Variants in ZFHX3 observed in about 807,000 individuals in gnomAD.
ZFHX3 encodes the protein zinc finger homeobox protein 3.
In ZFHX3, 42 loss-of-function variants were observed where a neutral mutation model predicts 279.1. The observed-to-expected ratio is 0.15, with a 90% CI of 0.12 to 0.19. The LOEUF is 0.19. Among genes scored for constraint, ZFHX3 ranks in the 10% least tolerant of loss-of-function variants. The probability of loss-of-function intolerance (pLI) is 1.00; values close to 1 mark genes in which losing one functional copy is unlikely to be tolerated. For missense variants in ZFHX3, 4,981 were observed against 4,754.0 expected, an observed-to-expected ratio of 1.05 and a Z score of -1.40; for synonymous variants, 2,293 against 1,957.8, an observed-to-expected ratio of 1.17 and a Z score of -4.52.
chr16:73,531,664 A>G (rs1299957838), intron 2 of ZFHX3, among the ~76,000 whole-genome samples: 2 of 144,210 alleles, frequency 1.4e-5, no homozygotes, highest in Admixed American at 7.1e-5. Context: ...ACAGTAAGCT[A>G]TGATCATGCC....
chr16:73,416,628 C>CT (rs1169270812), intron 3 of ZFHX3, among the ~76,000 whole-genome samples: 2 of 152,150 alleles, frequency 1.3e-5, no homozygotes, highest in South Asian at 2.1e-4. Flanking sequence ...AATCCCAGCA[C>CT]TTTGGGAGGC....
At chr16:73,759,665 G>T (rs1476880970) in intron 1 of ZFHX3, among the ~76,000 whole-genome samples, 1 of 152,144 alleles carries the variant, frequency 6.6e-6, no homozygotes, top group Non-Finnish European at 1.5e-5. Flanking sequence ...TCCTTCCCCT[G>T]AGGCTTTATT....
At chr16:73,807,585 T>C (rs906404146) in intron 1 of ZFHX3, among the ~76,000 whole-genome samples, 1 of 148,004 alleles carries the variant, frequency 6.8e-6, no homozygotes, top group Non-Finnish European at 1.5e-5. Context: ...AGCCCCCAAA[T>C]AGCTGGGCCT....
At position 73,530,102 on chromosome 16, in the gene ZFHX3, A is replaced by G. The variant is rs140638780; in HGVS notation, c.-1546-73844T>C. ...AGAGGTTTAATGGTCTCACAGTTCCACGTGGCTGGGGAGGCCTCACAAGCA... is the reference window on the plus strand; with the variant it reads ...AGAGGTTTAATGGTCTCACAGTTCCGCGTGGCTGGGGAGGCCTCACAAGCA... On this transcript the variant is annotated intron_variant, in intron 2 of 17. Transcript: ENST00000641206. Among the ~76,000 whole-genome samples, 157 of 152,334 alleles carry G rather than the reference A, an allele frequency of 1.0e-3. 3 individuals are homozygous for G. In the East Asian group the frequency reaches 0.027, roughly 26 times the overall value.
intron 3 of ZFHX3, among the ~76,000 whole-genome samples, chr16:72,947,304 C>T (rs376959133): frequency 5.3e-5 from 8 of 152,234 alleles, no homozygotes; most frequent in Non-Finnish European, 1.0e-4. Context: ...AAAATCAAAA[C>T]GACACCATTC....
intron 4 of ZFHX3, among the ~76,000 whole-genome samples, chr16:72,836,902 C>A (rs9933331): frequency 0.066 from 10,091 of 152,194 alleles, 1,145 homozygotes; most frequent in African/African-American, 0.23. Flanking sequence ...GGCTCTACAG[C>A]TGGAGCATCT....
chr16:73,186,555 GT>G (rs77914659), intron 5 of ZFHX3, among the ~76,000 whole-genome samples: 4,605 of 138,210 alleles, frequency 0.033, 211 homozygotes, highest in African/African-American at 0.11. Context: ...TCCAGGAAAA[GT>G]TTTTTTTTTT....
intron 2 of ZFHX3, among the ~76,000 whole-genome samples, chr16:73,652,201 G>A (rs891402337): frequency 5.9e-5 from 9 of 152,168 alleles, no homozygotes; most frequent in African/African-American, 2.2e-4. Flanking sequence ...TGGTAAGGAG[G>A]TGGACCCAAA....
upstream of ZFHX3, among the ~76,000 whole-genome samples, chr16:73,052,997 G>A (rs757632669): frequency 6.6e-5 from 10 of 152,240 alleles, no homozygotes; most frequent in Admixed American, 3.9e-4. Flanking sequence ...TTTTTCACCC[G>A]TCTTACTTGG....
chr16:73,011,809 G>A (rs1042380120), intron 1 of ZFHX3, among the ~76,000 whole-genome samples: 2 of 150,386 alleles, frequency 1.3e-5, no homozygotes, highest in African/African-American at 4.9e-5. Flanking sequence ...GATAATAAAT[G>A]CAACCAAAAT....
intron 3 of ZFHX3, among the ~76,000 whole-genome samples, chr16:73,325,024 G>C (rs778336026): frequency 6.6e-6 from 1 of 152,080 alleles, no homozygotes; most frequent in African/African-American, 2.4e-5. Flanking sequence ...AGCGCTTTTG[G>C]AATTTACAAA....
At position 72,795,450 on chromosome 16, in the gene ZFHX3, G is replaced by A. The variant is rs775224005; in HGVS notation, c.7232C>T (p.Ala2411Val). The A allele has an allele frequency of 1.5e-5, 24 of 1,614,022 alleles. No individual in the cohort carries two copies. Among genetic ancestry groups the A allele is most frequent in the African/African-American group, 5.3e-5 (4 of 74,912 alleles). The stretch of plus-strand genomic sequence containing the variant: ...GAAGGTGGCCAGTTCCTCAGCCTCC[G>A]CTGTAAGCTGCAAGAAAGCGGAGGA... The part of the protein sequence containing the change: ...TASSAFLQLT[A>V]EAEELATFNS... Residue 2411 changes from alanine (A) to valine (V), a missense_variant, in exon 9 of 10, where the codon GCG (alanine) becomes GTG (valine). Ala to Val is a moderately conservative substitution (Grantham distance 64). Transcript: ENST00000268489.
chr16:72,998,687 T>C (rs979237985), intron 1 of ZFHX3, among the ~76,000 whole-genome samples: 4 of 152,222 alleles, frequency 2.6e-5, no homozygotes, highest in African/African-American at 9.6e-5. Flanking sequence ...AACATAACTC[T>C]GATCTGGCCC....
intron 1 of ZFHX3, among the ~76,000 whole-genome samples, chr16:73,771,994 T>A (rs1452043988): frequency 6.6e-6 from 1 of 152,156 alleles, no homozygotes; most frequent in Non-Finnish European, 1.5e-5. Flanking sequence ...AACCTTCATA[T>A]CATTTTTGTG....
At chr16:73,353,995 A>T (rs1010929230) in intron 3 of ZFHX3, among the ~76,000 whole-genome samples, 2 of 152,090 alleles carry the variant, frequency 1.3e-5, no homozygotes, top group Admixed American at 1.3e-4. Flanking sequence ...TACAAATCTC[A>T]CTCGGAGAGA....
chr16:73,749,877 A>C (rs1359599342), intron 1 of ZFHX3, among the ~76,000 whole-genome samples: 1 of 152,196 alleles, frequency 6.6e-6, no homozygotes, highest in East Asian at 1.9e-4. Context: ...AGAAGACTGG[A>C]TTACTCAAAG....
intron 7 of ZFHX3, among the ~76,000 whole-genome samples, chr16:73,105,425 A>G (rs1966289421): frequency 1.7e-5 from 2 of 114,574 alleles, no homozygotes; most frequent in South Asian, 6.7e-4. Flanking sequence ...ACACATATAT[A>G]TATATATACA....
intron 5 of ZFHX3, among the ~76,000 whole-genome samples, chr16:73,243,947 T>G (rs546097478): frequency 1.3e-5 from 2 of 152,334 alleles, no homozygotes; most frequent in East Asian, 3.9e-4. Context: ...AGAATGCCGG[T>G]AGAGAACGCC....
chr16:72,961,381 C>T (rs1216566522), intron 1 of ZFHX3, among the ~76,000 whole-genome samples: 1 of 152,258 alleles, frequency 6.6e-6, no homozygotes, highest in Non-Finnish European at 1.5e-5. Context: ...CGGATCACGG[C>T]CGCTCTGCTC....
Sources: allele counts gnomAD v4.1 joint callset (sites outside exome capture counted in the v4.1 genomes callset), GRCh38; gene constraint gnomAD v4.1.1; transcripts MANE v1.5; gene names NCBI Gene and HGNC (gene_info 2026-07-23, HGNC 2026-07-21).